Variants in ZDBF2 observed in about 807,000 individuals in gnomAD.
ZDBF2 encodes the protein zinc finger DBF-type containing 2.
A neutral mutation model predicts 9.4 loss-of-function variants in ZDBF2; 6 were observed. The ratio of observed to expected loss-of-function variants is 0.64; its 90% CI spans 0.35 to 1.27. The LOEUF (loss-of-function observed/expected upper bound fraction) is 1.27, where lower values mean the gene tolerates loss of function less well. ZDBF2 is among the 50% of genes most tolerant of loss of function. The probability of loss-of-function intolerance (pLI) is 0.03; values close to 1 mark genes in which losing one functional copy is unlikely to be tolerated. For synonymous variants in ZDBF2, 905 were observed against 946.3 expected, an observed-to-expected ratio of 0.96 and a Z score of 0.80; for missense variants, 2,697 against 2,766.8, an observed-to-expected ratio of 0.97 and a Z score of 0.57.
At chr2:206,298,696 T>C (rs916717019) in intron 4 of ZDBF2, among the ~76,000 whole-genome samples, 2 of 151,212 alleles carry the variant, frequency 1.3e-5, no homozygotes, top group African/African-American at 4.9e-5. Flanking sequence ...GCTAATTGTT[T>C]TGTATATTTA....
rs752927146 is a variant in ZDBF2 at position 206,309,526 on chromosome 2, AT to A, written c.5001del (p.Phe1667LeufsTer32). ...SCGYNGSKGKFNLEDTSHRTT... is the reference protein window; with the variant it reads ...SCGYNGSKGKXNLEDTSHRTT... ...GTGGATATAATGGTTCTAAAGGAAAATTTAATTTGGAAGACACTTCTCATCG... is the reference window on the plus strand; with the variant it reads ...GTGGATATAATGGTTCTAAAGGAAAATTAATTTGGAAGACACTTCTCATCG... On this transcript the variant is annotated frameshift_variant, in exon 5 of 5. Transcript: ENST00000374423. LOFTEE classifies it low-confidence loss of function (END_TRUNC). The A allele has an allele frequency of 6.2e-7, 1 of 1,613,972 alleles. No individual in the cohort carries two copies.
chr2:206,310,487 A>T lies in ZDBF2; in HGVS notation c.5959A>T (p.Ile1987Phe). The change falls in exon 5 of 5, where the codon ATT (isoleucine) becomes TTT (phenylalanine). Residue 1987 changes from isoleucine (I) to phenylalanine (F), a missense_variant. Around this residue, in one of 3 missense-constraint regions of ZDBF2, gnomAD observed 1,783 missense variants for 1,776.5 expected, o/e 1.00. Transcript: ENST00000374423. Reference protein sequence around the residue: ...DDRKTKKKVKIGTVEFPASCT... With the variant: ...DDRKTKKKVKFGTVEFPASCT... Reference sequence around the variant, plus strand: ...CAGAAAAACCAAAAAGAAAGTCAAAATTGGGACAGTTGAATTTCCTGCATC... The same window carrying T: ...CAGAAAAACCAAAAAGAAAGTCAAATTTGGGACAGTTGAATTTCCTGCATC... 6.2e-7 allele frequency: 1 copy of T among 1,613,630 alleles called. No individual in the cohort carries two copies.
chr2:206,306,288 T>C lies in ZDBF2; in HGVS notation c.1760T>C (p.Val587Ala). 1 of 1,613,674 alleles carries C rather than the reference T, an allele frequency of 6.2e-7. No homozygotes were observed. The highest frequency in any genetic ancestry group is 8.5e-7 in the Non-Finnish European group (1 of 1,179,782). The change falls in exon 5 of 5, where the codon GTT becomes GCT. Residue 587 changes from valine to alanine, a missense_variant. Transcript: ENST00000374423. ...SCSETSFDCD[V>A]SLESVVDHPQ... ...TCTGAAACAAGTTTTGATTGTGATG[T>C]TTCTCTTGAGTCAGTAGTTGATCAT...
intron 2 of ZDBF2, among the ~76,000 whole-genome samples, chr2:206,281,092 A>G (rs1237500690): frequency 1.3e-5 from 2 of 152,180 alleles, no homozygotes; most frequent in Non-Finnish European, 2.9e-5. Flanking sequence ...AATTTTGGGT[A>G]TTCAGCCTGG....
chr2:206,309,362 A>T lies in ZDBF2; in HGVS notation c.4834A>T (p.Ile1612Phe). 6.2e-7 allele frequency: 1 copy of T among 1,613,504 alleles called. No homozygotes were observed. Among genetic ancestry groups the T allele is most frequent in the Non-Finnish European group, 8.5e-7 (1 of 1,179,728 alleles). ...AATAAACCGGAAGAAGGACTATATT[A>T]TTCTGGGAGAGCCAAGTTGTCAATC... ...KIINRKKDYI[I>F]LGEPSCQSCG... is the part of the protein sequence containing the mutation. The change falls in exon 5 of 5, where the codon ATT becomes TTT. Residue 1612 changes from isoleucine (I) to phenylalanine (F), a missense_variant. Ile to Phe is a conservative substitution (Grantham distance 21). Transcript: ENST00000374423.
chr2:206,275,735 G>A (rs949684528), intron 1 of ZDBF2, among the ~76,000 whole-genome samples: 8 of 152,184 alleles, frequency 5.3e-5, no homozygotes, highest in African/African-American at 1.7e-4. Context: ...GATGGAGGCA[G>A]CCTGTAGCGA....
rs1325452397 is a variant in ZDBF2, at chr2:206,313,339, T to G, written c.*1746T>G. Reference sequence around the variant, plus strand: ...TGTTTAAAAACAAATGTTTTTGTCTTTAGTTGCAAAGCAGCATATATCTCA... The same window carrying G: ...TGTTTAAAAACAAATGTTTTTGTCTGTAGTTGCAAAGCAGCATATATCTCA... On this transcript the variant is annotated 3_prime_UTR_variant, in exon 5 of 5. Transcript: ENST00000374423. The G allele has an allele frequency of 6.6e-6, 1 of 152,202 alleles. No homozygotes were observed. Among genetic ancestry groups the G allele is most frequent in the Non-Finnish European group, 1.5e-5 (1 of 68,022 alleles). 9.4% of individuals were successfully genotyped at this position (152,202 alleles called of 1,614,324 possible). A position where few individuals can be genotyped will look rare whatever the true frequency, so the allele number is the denominator to read the frequency against.
Position 206,308,182 on chromosome 2 carries a change from T to TA in ZDBF2, c.3657dup (p.Glu1220ArgfsTer8). The TA allele has an allele frequency of 6.2e-7, 1 of 1,613,834 alleles. No homozygotes were observed. The highest frequency in any genetic ancestry group is 2.2e-5 in the East Asian group (1 of 44,872). ...TGGCTGACCGGCTGAGAGAAACCGTTAAAGAAATAAGCCTTTGGAAGGATG... is the reference window on the plus strand; with the variant it reads ...TGGCTGACCGGCTGAGAGAAACCGTTAAAAGAAATAAGCCTTTGGAAGGATG... On this transcript the variant is annotated frameshift_variant, in exon 5 of 5. Transcript: ENST00000374423. LOFTEE classifies it low-confidence loss of function (END_TRUNC).
intron 1 of ZDBF2, among the ~76,000 whole-genome samples, chr2:206,277,441 A>T (rs1207165261): frequency 8.1e-6 from 1 of 122,990 alleles, no homozygotes; most frequent in Non-Finnish European, 1.9e-5. Context: ...TAAATGTTAC[A>T]TAAATGAATG....
Position 206,310,229 on chromosome 2 carries a change from T to C in ZDBF2, c.5701T>C (p.Cys1901Arg). The change falls in exon 5 of 5, where the codon TGT (cysteine) becomes CGT (arginine). Residue 1901 changes from cysteine to arginine, a missense_variant. Transcript: ENST00000374423. ...QAVSESDDIV[C>R]GISDIDDLSV... ...TGTGTCAGAGAGTGATGATATTGTCTGTGGTATTTCAGATATTGATGACTT... is the reference window on the plus strand; with the variant it reads ...TGTGTCAGAGAGTGATGATATTGTCCGTGGTATTTCAGATATTGATGACTT... The C allele has an allele frequency of 6.2e-7, 1 of 1,613,950 alleles. No individual in the cohort carries two copies. The highest frequency in any genetic ancestry group is 2.2e-5 in the East Asian group (1 of 44,876).
At chr2:206,291,375 A>G (rs1278745957) in intron 3 of ZDBF2, among the ~76,000 whole-genome samples, 4 of 152,174 alleles carry the variant, frequency 2.6e-5, no homozygotes, top group African/African-American at 7.2e-5. Flanking sequence ...ACAGGAGGTG[A>G]AGCTCAGGTG....
chr2:206,295,684 T>A (rs2105926994), intron 3 of ZDBF2, among the ~76,000 whole-genome samples: 1 of 152,254 alleles, frequency 6.6e-6, no homozygotes, highest in South Asian at 2.1e-4. Context: ...CAGTTTACTC[T>A]AATTTTTTGT....
Position 206,308,628 on chromosome 2 carries a change from G to T in ZDBF2, c.4100G>T (p.Ser1367Ile). ...AGTAATTCTTATAGTCCTGAAGAAAGTTCTGATTCCAATGACTCTTTTCAG... is the reference window on the plus strand; with the variant it reads ...AGTAATTCTTATAGTCCTGAAGAAATTTCTGATTCCAATGACTCTTTTCAG... Reference protein sequence around the residue: ...KSSNSYSPEESSDSNDSFQAA... With the variant: ...KSSNSYSPEEISDSNDSFQAA... Residue 1367 changes from serine to isoleucine, a missense_variant, in exon 5 of 5, where the codon AGT (serine) becomes ATT (isoleucine). This residue lies in a region of ZDBF2 where 1,783 missense variants were observed against 1,776.5 expected (regional missense o/e 1.00). Transcript: ENST00000374423. 1.9e-6 allele frequency: 3 copies of T among 1,612,814 alleles called. No individual in the cohort carries two copies. Among genetic ancestry groups the T allele is most frequent in the Non-Finnish European group, 2.5e-6 (3 of 1,179,846 alleles).
In ZDBF2 at chr2:206,311,433, C is replaced by A. The variant is rs1553534749; in HGVS notation, c.6905C>A (p.Ala2302Glu). Residue 2302 changes from alanine to glutamate, a missense_variant, in exon 5 of 5, where the codon GCA becomes GAA. Physicochemically the swap from Ala to Glu is moderately radical, Grantham distance 107. Transcript: ENST00000374423. ...CCTGTGCGGGCTTCTTGCCGCGTTG[C>A]AAGAAGGAGGAAGAAGACTGATGAA... is the stretch of plus-strand genomic sequence containing the variant. ...KRPVRASCRV[A>E]RRRKKTDESY... The A allele has an allele frequency of 1.2e-6, 2 of 1,611,494 alleles. No homozygotes were observed. The highest frequency in any genetic ancestry group is 1.7e-6 in the Non-Finnish European group (2 of 1,178,988).
intron 4 of ZDBF2, among the ~76,000 whole-genome samples, chr2:206,300,381 T>A (rs1048885849): frequency 6.6e-6 from 1 of 152,232 alleles, no homozygotes; most frequent in African/African-American, 2.4e-5. Flanking sequence ...TGTCTTTGTT[T>A]TTAAGACCAT....
chr2:206,286,925 T>C lies in ZDBF2; in HGVS notation c.60+5016T>C, dbSNP rs186131003. ...TTCTTTCTGTCTTATCGTTGCAGTTTGGTGGTTTTCTGTAGTAAGTAGGTA... is the reference window on the plus strand; with the variant it reads ...TTCTTTCTGTCTTATCGTTGCAGTTCGGTGGTTTTCTGTAGTAAGTAGGTA... On this transcript the variant is annotated intron_variant, in intron 3 of 4. Coordinates refer to ENST00000374423, the MANE Select transcript of ZDBF2 (RefSeq NM_020923.3). Among the ~76,000 whole-genome samples the C allele has an allele frequency of 6.5e-4, 99 of 152,310 alleles. 3 individuals are homozygous for C. Among genetic ancestry groups the C allele is most frequent in the Admixed American group, 6.5e-3 (99 of 15,290 alleles).
At chr2:206,279,028 T>G (rs753915698) in intron 1 of ZDBF2, among the ~76,000 whole-genome samples, 23 of 152,190 alleles carry the variant, frequency 1.5e-4, no homozygotes, top group Non-Finnish European at 2.8e-4. Flanking sequence ...GTTGGAATTT[T>G]TTCTTAACCA....
At chr2:206,290,032 A>G (rs1280711045) in intron 3 of ZDBF2, among the ~76,000 whole-genome samples, 1 of 151,976 alleles carries the variant, frequency 6.6e-6, no homozygotes, top group Non-Finnish European at 1.5e-5. Context: ...TTGTTTGTTC[A>G]TTGTGCTGGC....
intron 1 of ZDBF2, among the ~76,000 whole-genome samples, chr2:206,275,478 T>A (rs1690942554): frequency 1.3e-5 from 2 of 152,214 alleles, no homozygotes; most frequent in African/African-American, 4.8e-5. Flanking sequence ...AATGATTCTT[T>A]TACTACCGCC....
Sources: gnomAD v4.1 joint callset for allele counts (sites outside exome capture counted in the v4.1 genomes callset) on GRCh38, gnomAD v4.1.1 for gene constraint, gnomAD v4.1.1 regional missense constraint, MANE v1.5 for transcripts, NCBI Gene and HGNC (gene_info 2026-07-23, HGNC 2026-07-21) for gene names.